Variants in MEGF6 observed in about 807,000 individuals in gnomAD.
The protein encoded by MEGF6 is multiple EGF like domains 6, also known as multiple epidermal growth factor-like domains protein 6.
Under a neutral mutation model 207.1 loss-of-function variants are expected in MEGF6, and 184 were observed. That is an observed-to-expected ratio of 0.89 (90% CI 0.79 to 1.00). The LOEUF (loss-of-function observed/expected upper bound fraction) is 1.00, where lower values mean the gene tolerates loss of function less well. MEGF6 is among the 50% of genes least tolerant of loss of function. The pLI is 0.00. For synonymous variants in MEGF6, 1,038 were observed against 910.0 expected (o/e 1.14, Z -2.53); for missense variants, 2,282 against 2,202.9 (o/e 1.04, Z -0.72).
upstream of MEGF6, among the ~76,000 whole-genome samples, chr1:3,612,641 G>A (rs1356544086): frequency 1.3e-5 from 2 of 152,204 alleles, no homozygotes; most frequent in African/African-American, 2.4e-5. Context: ...CTCAGCCACT[G>A]AAGCCTGGCC....
intron 4 of MEGF6, among the ~76,000 whole-genome samples, chr1:3,577,590 C>A (rs1011173857): frequency 6.6e-6 from 1 of 152,258 alleles, no homozygotes; most frequent in Admixed American, 6.5e-5. Flanking sequence ...AGCCTCCAGC[C>A]TCCCTGCTCT....
In MEGF6 at chr1:3,494,113, C is replaced by T. The variant is rs1381360751; in HGVS notation, c.4141G>A (p.Gly1381Ser). ...GQACEHPCPP[G>S]FHGAGCQGLC... ...CCCTGGCAGCCAGCCCCGTGGAAGC[C>T]AGGGGGACAGGCTGAAGGACGCCGG... The change falls in exon 33 of 37, where the codon GGC (glycine) becomes AGC (serine). Residue 1381 changes from glycine to serine, a missense_variant. Coordinates refer to ENST00000356575, the MANE Select transcript of MEGF6 (RefSeq NM_001409.4). The T allele has an allele frequency of 6.4e-7, 1 of 1,570,254 alleles. No individual in the cohort carries two copies. Among genetic ancestry groups the T allele is most frequent in the Admixed American group, 1.8e-5 (1 of 55,456 alleles).
chr1:3,491,265 C>T (rs1640350580), intron 35 of MEGF6, among the ~76,000 whole-genome samples: 1 of 152,164 alleles, frequency 6.6e-6, no homozygotes, highest in Non-Finnish European at 1.5e-5. Flanking sequence ...GGACTCCCCA[C>T]GCCCAGCAAC....
intron 3 of MEGF6, among the ~76,000 whole-genome samples, chr1:3,584,360 C>T (rs74048645): frequency 0.011 from 1,738 of 152,330 alleles, 30 homozygotes; most frequent in African/African-American, 0.039. Flanking sequence ...CTGGAGCTGC[C>T]GCTTGGCCAG....
chr1:3,533,691 T>C (rs2493313), intron 4 of MEGF6, among the ~76,000 whole-genome samples: 152,204 of 152,272 alleles, frequency 1, 76,068 homozygotes, highest in Non-Finnish European at 1. Context: ...GCGAGCTCTC[T>C]CTGGTCTCTG....
chr1:3,538,375 G>A (rs1421776221), intron 4 of MEGF6, among the ~76,000 whole-genome samples: 1 of 152,194 alleles, frequency 6.6e-6, no homozygotes, highest in Non-Finnish European at 1.5e-5. Context: ...GGGCCTCCCC[G>A]AACCATTCCA....
chr1:3,615,808 G>C (rs1015977854), upstream of MEGF6, among the ~76,000 whole-genome samples: 2 of 152,118 alleles, frequency 1.3e-5, no homozygotes, highest in African/African-American at 2.4e-5. Context: ...ATCCCACCTG[G>C]CCTCGACTGC....
intron 4 of MEGF6, among the ~76,000 whole-genome samples, chr1:3,541,554 C>T (rs896095164): frequency 6.6e-6 from 1 of 152,180 alleles, no homozygotes; most frequent in South Asian, 2.1e-4. Flanking sequence ...ATCAGGCCCC[C>T]TTGCCCACTC....
At chr1:3,606,113 G>T (rs1235522623) in intron 1 of MEGF6, among the ~76,000 whole-genome samples, 1 of 152,230 alleles carries the variant, frequency 6.6e-6, no homozygotes, top group African/African-American at 2.4e-5. Context: ...CATCTTGGAG[G>T]GCAGAACTCG....
chr1:3,578,054 G>A (rs2794347), intron 4 of MEGF6, among the ~76,000 whole-genome samples: 1 of 152,052 alleles, frequency 6.6e-6, no homozygotes, highest in Non-Finnish European at 1.5e-5. Context: ...GGGGACTGAC[G>A]GTGGGCAGAA....
intron 4 of MEGF6, among the ~76,000 whole-genome samples, chr1:3,577,355 G>T (rs773083545): frequency 2.6e-5 from 4 of 152,210 alleles, no homozygotes; most frequent in Admixed American, 6.5e-5. Flanking sequence ...CAGCTCCCCC[G>T]GGACCAAGGC....
intron 4 of MEGF6, among the ~76,000 whole-genome samples, chr1:3,529,635 G>A (rs1207592005): frequency 6.6e-6 from 1 of 152,216 alleles, no homozygotes; most frequent in Non-Finnish European, 1.5e-5. Context: ...AACACGGGCT[G>A]GTTCACCAGG....
chr1:3,514,548 A>G lies in MEGF6; in HGVS notation c.853+2T>C. 2 of 1,590,134 alleles carry G rather than the reference A, an allele frequency of 1.3e-6. No homozygotes were observed. The highest frequency in any genetic ancestry group is 1.7e-6 in the Non-Finnish European group (2 of 1,171,816). ...GGGCGGAGCAGGGGAGGGGCGTCCT[A>G]CCTTCACAGGCCTTGCCGTCCGCTG... On this transcript the variant is annotated splice_donor_variant, in intron 7 of 36. Transcript: ENST00000356575. LOFTEE classifies it high-confidence loss of function.
chr1:3,582,159 C>T (rs1557793796), intron 3 of MEGF6, among the ~76,000 whole-genome samples: 1 of 152,186 alleles, frequency 6.6e-6, no homozygotes, highest in Admixed American at 6.5e-5. Context: ...TCTTCAGTGT[C>T]CAGGACAGAC....
chr1:3,620,946 GGAGAGA>G, the MEGF6 span, among the ~76,000 whole-genome samples: 4 of 152,280 alleles, frequency 2.6e-5, no homozygotes, highest in African/African-American at 9.6e-5. Context: ...CAGCTGAGGC[GGAGAGA>G]GAGAGGAGAG....
chr1:3,529,468 C>A (rs924233114), intron 4 of MEGF6, among the ~76,000 whole-genome samples: 2 of 152,242 alleles, frequency 1.3e-5, no homozygotes, highest in Admixed American at 6.5e-5. Flanking sequence ...TGGGGGGAGC[C>A]ATCTGGTGAG....
At chr1:3,600,031 C>G (rs2101870887) in intron 2 of MEGF6, among the ~76,000 whole-genome samples, 1 of 152,272 alleles carries the variant, frequency 6.6e-6, no homozygotes, top group Admixed American at 6.5e-5. Flanking sequence ...ACCAGCTCAC[C>G]CTTGAGTCAC....
At position 3,496,976 on chromosome 1, in the gene MEGF6, G is replaced by A; in HGVS notation, c.3613+12C>T. The A allele has an allele frequency of 2.6e-6, 4 of 1,548,202 alleles. No individual in the cohort carries two copies. The highest frequency in any genetic ancestry group is 3.5e-6 in the Non-Finnish European group (4 of 1,146,702). The stretch of plus-strand genomic sequence containing the variant: ...ACTGCCGAGTCCCTGGGTGGGCACG[G>A]GCAGCACTCACGTTGCTGGCAGCTG... On this transcript the variant is annotated intron_variant, in intron 28 of 36. Coordinates refer to ENST00000356575, the MANE Select transcript of MEGF6 (RefSeq NM_001409.4).
At chr1:3,503,068 G>C (rs948956034) in intron 17 of MEGF6, among the ~76,000 whole-genome samples, 1 of 152,196 alleles carries the variant, frequency 6.6e-6, no homozygotes. Context: ...GGGGCTGAGA[G>C]CCAGGATGTG....
Sources: allele counts gnomAD v4.1 joint callset (sites outside exome capture counted in the v4.1 genomes callset), GRCh38; gene constraint gnomAD v4.1.1; transcripts MANE v1.5; gene names NCBI Gene and HGNC (gene_info 2026-07-23, HGNC 2026-07-21).